The following NEGR1 variants were observed in gnomAD, a reference collection of about 807,000 sequenced individuals.
The protein encoded by NEGR1 is neuronal growth regulator 1.
A neutral mutation model predicts 40.9 loss-of-function variants in NEGR1; 10 were observed. That is an observed-to-expected ratio of 0.24 (90% CI 0.15 to 0.42). The LOEUF is 0.42. NEGR1 is among the 10% of genes least tolerant of loss of function. The pLI, the probability that NEGR1 is intolerant of heterozygous loss-of-function variation, is 1.00. For synonymous variants in NEGR1, 185 were observed against 166.8 expected, an observed-to-expected ratio of 1.11 and a Z score of -0.84; for missense variants, 352 against 438.9, an observed-to-expected ratio of 0.80 and a Z score of 1.77.
chr1:71,984,953 C>A lies in NEGR1; in HGVS notation c.177-49642G>T, dbSNP rs184415801. Among the ~76,000 whole-genome samples the A allele has an allele frequency of 6.6e-4, 101 of 152,186 alleles. 1 individual carries two copies. The highest frequency in any genetic ancestry group is 2.4e-3 in the African/African-American group (99 of 41,554). ...TACATATATTATAAATAAATAAATT[C>A]TCCTAACAACCATAGGAAATAAATG... is the stretch of plus-strand genomic sequence containing the variant. On this transcript the variant is annotated intron_variant, in intron 1 of 6. Transcript: ENST00000357731.
chr1:72,103,432 C>A (rs894204366), intron 1 of NEGR1, among the ~76,000 whole-genome samples: 1 of 152,040 alleles, frequency 6.6e-6, no homozygotes, highest in Admixed American at 6.6e-5. Context: ...TGTCTCCCAC[C>A]AATTCCTTCT....
chr1:72,260,110 G>A (rs1312818553), intron 1 of NEGR1, among the ~76,000 whole-genome samples: 1 of 152,040 alleles, frequency 6.6e-6, no homozygotes, highest in Non-Finnish European at 1.5e-5. Flanking sequence ...GAAGTATGGA[G>A]TCATTCTCAT....
intron 1 of NEGR1, among the ~76,000 whole-genome samples, chr1:72,064,554 C>T (rs1232954250): frequency 6.6e-6 from 1 of 152,066 alleles, no homozygotes; most frequent in Non-Finnish European, 1.5e-5. Flanking sequence ...CCTATTCTTT[C>T]AACAGTGTGT....
At chr1:71,466,769 C>G (rs1646748877) in intron 6 of NEGR1, among the ~76,000 whole-genome samples, 1 of 152,046 alleles carries the variant, frequency 6.6e-6, no homozygotes, top group Admixed American at 6.6e-5. Flanking sequence ...AAAAGGGTTG[C>G]AGATAAGTCT....
intron 4 of NEGR1, among the ~76,000 whole-genome samples, chr1:71,690,203 T>C (rs1383423845): frequency 6.6e-6 from 1 of 152,030 alleles, no homozygotes; most frequent in Non-Finnish European, 1.5e-5. Flanking sequence ...TGAAGTTTAA[T>C]AATGATGCTA....
chr1:71,845,143 A>G (rs907367920), intron 2 of NEGR1, among the ~76,000 whole-genome samples: 2 of 152,218 alleles, frequency 1.3e-5, no homozygotes, highest in Admixed American at 1.3e-4. Flanking sequence ...GTATGCAGTC[A>G]CAAGGAAACA....
chr1:72,201,292 TA>T (rs1240038768), intron 1 of NEGR1, among the ~76,000 whole-genome samples: 8 of 151,018 alleles, frequency 5.3e-5, no homozygotes, highest in Admixed American at 2.0e-4. Flanking sequence ...TAGTATAATA[TA>T]AAAAATAATT....
chr1:71,882,747 G>A (rs1174037080), intron 2 of NEGR1, among the ~76,000 whole-genome samples: 1 of 146,060 alleles, frequency 6.8e-6, no homozygotes, highest in South Asian at 2.1e-4. Context: ...AAAAAAGCAT[G>A]TTGAGGTCTT....
chr1:71,761,543 T>C (rs1273410215), intron 3 of NEGR1, among the ~76,000 whole-genome samples: 1 of 152,216 alleles, frequency 6.6e-6, no homozygotes, highest in Non-Finnish European at 1.5e-5. Context: ...GGTATATCCA[T>C]AGCAATACTT....
At chr1:71,962,198 C>T (rs904118067) in intron 1 of NEGR1, among the ~76,000 whole-genome samples, 19 of 151,976 alleles carry the variant, frequency 1.3e-4, no homozygotes, top group African/African-American at 4.6e-4. Context: ...GTCCAATGTG[C>T]ACTTGTCAAC....
intron 2 of NEGR1, among the ~76,000 whole-genome samples, chr1:71,800,139 T>C (rs1248495778): frequency 2.0e-5 from 3 of 152,226 alleles, no homozygotes; most frequent in Non-Finnish European, 4.4e-5. Context: ...GCTGCATAAA[T>C]GTCTTCTTTT....
rs951117937 is a variant in NEGR1, at chr1:71,795,709, T to G, written c.410-19412A>C. Among the ~76,000 whole-genome samples, 15 of 152,174 alleles carry G rather than the reference T, an allele frequency of 9.9e-5. 1 individual carries two copies. Among genetic ancestry groups the G allele is most frequent in the Non-Finnish European group, 2.1e-4 (14 of 68,028 alleles). On this transcript the variant is annotated intron_variant, in intron 2 of 6. Transcript: ENST00000357731. ...AGACAAAATGAGTTAACTGGGTCCC[T>G]GTGTATCAATATGAACTATTCTGAA...
chr1:71,773,329 C>T (rs1488489428), intron 3 of NEGR1, among the ~76,000 whole-genome samples: 1 of 152,196 alleles, frequency 6.6e-6, no homozygotes, highest in Non-Finnish European at 1.5e-5. Context: ...GGTATATCTA[C>T]ATCTGTTTTT....
chr1:72,016,627 G>A (rs1383199431), intron 1 of NEGR1, among the ~76,000 whole-genome samples: 2 of 152,120 alleles, frequency 1.3e-5, no homozygotes, highest in South Asian at 2.1e-4. Flanking sequence ...TTGCTTTCAC[G>A]TATGGGAAAA....
chr1:72,085,241 G>T (rs760246533), intron 1 of NEGR1, among the ~76,000 whole-genome samples: 7 of 152,146 alleles, frequency 4.6e-5, no homozygotes, highest in Non-Finnish European at 8.8e-5. Context: ...CAGATATATA[G>T]ATAAATACAC....
intron 1 of NEGR1, among the ~76,000 whole-genome samples, chr1:72,053,857 T>A (rs1647085602): frequency 7.0e-6 from 1 of 143,696 alleles, no homozygotes; most frequent in Non-Finnish European, 1.6e-5. Context: ...AACGAACACT[T>A]TTTTGTATTT....
At chr1:71,768,331 C>T (rs1358975977) in intron 3 of NEGR1, among the ~76,000 whole-genome samples, 1 of 152,146 alleles carries the variant, frequency 6.6e-6, no homozygotes, top group Admixed American at 6.5e-5. Flanking sequence ...GCCCTTGCTT[C>T]AGTGTGCCCT....
rs189918466 is a variant in NEGR1, at chr1:71,792,682, T to C, written c.410-16385A>G. 1.2e-4 allele frequency among the ~76,000 whole-genome samples: 19 copies of C among 152,200 alleles called. No homozygotes were observed. In the East Asian group the frequency reaches 1.7e-3, roughly 14 times the overall value. On this transcript the variant is annotated intron_variant, in intron 2 of 6. Transcript: ENST00000357731. ...TTTTATGTATATAACATGGTGCTTT[T>C]GATAGGGAGTTGGCAATACTGTGCT... is the stretch of plus-strand genomic sequence containing the variant.
In NEGR1 at chr1:72,098,577, T is replaced by A. The variant is rs188722073; in HGVS notation, c.177-163266A>T. 6.6e-5 allele frequency among the ~76,000 whole-genome samples: 10 copies of A among 152,210 alleles called. No individual in the cohort carries two copies. The East Asian group carries it at 1.9e-3, about 29-fold the overall frequency. On this transcript the variant is annotated intron_variant, in intron 1 of 6. Coordinates refer to ENST00000357731, the MANE Select transcript of NEGR1 (RefSeq NM_173808.3). The stretch of plus-strand genomic sequence containing the variant: ...CATAACTCTGCCCTGTCCCAACCAA[T>A]TACCTACTTTGCAAGACCTACGTTA...
Sources: allele counts gnomAD v4.1 joint callset (sites outside exome capture counted in the v4.1 genomes callset), GRCh38; gene constraint gnomAD v4.1.1; transcripts MANE v1.5; gene names NCBI Gene and HGNC (gene_info 2026-07-23, HGNC 2026-07-21).